Variants in FAT3 observed in about 807,000 individuals in gnomAD.
FAT3 encodes FAT atypical cadherin 3, also known as protocadherin Fat 3.
In FAT3, 95 loss-of-function variants were observed where a neutral mutation model predicts 310.2. The observed-to-expected ratio is 0.31, with a 90% CI of 0.26 to 0.36. The LOEUF (loss-of-function observed/expected upper bound fraction) is 0.36. FAT3 is among the 10% of genes least tolerant of loss of function. FAT3 has a pLI of 1.00. For synonymous variants in FAT3, 2,314 were observed against 2,192.9 expected, an observed-to-expected ratio of 1.06 and a Z score of -1.54; for missense variants, 5,408 against 5,715.6, an observed-to-expected ratio of 0.95 and a Z score of 1.74.
intron 2 of FAT3, among the ~76,000 whole-genome samples, chr11:92,460,231 G>A (rs571929825): frequency 2.2e-4 from 33 of 151,534 alleles, no homozygotes; most frequent in African/African-American, 7.1e-4. Flanking sequence ...TTAAAGAGAA[G>A]GTAGATAATT....
chr11:92,497,308 T>G (rs1177524699), intron 2 of FAT3, among the ~76,000 whole-genome samples: 1 of 152,046 alleles, frequency 6.6e-6, no homozygotes, highest in Non-Finnish European at 1.5e-5. Flanking sequence ...GAGGGTTACT[T>G]CTACAGAGAA....
chr11:92,290,888 G>A (rs1024839791), intron 1 of FAT3, among the ~76,000 whole-genome samples: 2 of 152,048 alleles, frequency 1.3e-5, no homozygotes, highest in African/African-American at 4.8e-5. Context: ...GTAGCACCAA[G>A]TTACTTCTCT....
At chr11:92,599,876 T>A (rs1478809410) in intron 3 of FAT3, among the ~76,000 whole-genome samples, 1 of 152,178 alleles carries the variant, frequency 6.6e-6, no homozygotes, top group Non-Finnish European at 1.5e-5. Context: ...ATACTCCCTA[T>A]GCCTTTTAAA....
intron 1 of FAT3, among the ~76,000 whole-genome samples, chr11:92,344,978 A>G (rs1948372417): frequency 6.6e-6 from 1 of 152,082 alleles, no homozygotes; most frequent in Non-Finnish European, 1.5e-5. Flanking sequence ...GAGCATATTA[A>G]AGGCTCCAGG....
chr11:92,863,829 T>A (rs1317912547), intron 21 of FAT3, among the ~76,000 whole-genome samples: 1 of 152,234 alleles, frequency 6.6e-6, no homozygotes, highest in East Asian at 1.9e-4. Context: ...TTTCTCTCTC[T>A]GGAATAATAT....
At chr11:92,766,060 C>T (rs920034439) in intron 6 of FAT3, among the ~76,000 whole-genome samples, 2 of 151,910 alleles carry the variant, frequency 1.3e-5, no homozygotes, top group African/African-American at 2.4e-5. Flanking sequence ...CCCCGCAAGC[C>T]GAATAGAGGA....
intron 1 of FAT3, among the ~76,000 whole-genome samples, chr11:92,260,417 T>A (rs1274780239): frequency 6.6e-6 from 1 of 152,150 alleles, no homozygotes; most frequent in Non-Finnish European, 1.5e-5. Flanking sequence ...TACTTGGTTA[T>A]AGAAGTGGTA....
chr11:92,417,893 C>T (rs532648178), intron 2 of FAT3, among the ~76,000 whole-genome samples: 47 of 152,310 alleles, frequency 3.1e-4, no homozygotes, highest in African/African-American at 1.1e-3. Flanking sequence ...AACTATTCTC[C>T]TTAAACTTAG....
chr11:92,480,728 T>C (rs1368803145), intron 2 of FAT3, among the ~76,000 whole-genome samples: 1 of 152,186 alleles, frequency 6.6e-6, no homozygotes, highest in South Asian at 2.1e-4. Flanking sequence ...TAAGTGAACA[T>C]CAGTGCTTAG....
intron 3 of FAT3, among the ~76,000 whole-genome samples, chr11:92,682,975 G>T (rs1943526524): frequency 6.6e-6 from 1 of 151,878 alleles, no homozygotes; most frequent in Admixed American, 6.6e-5. Context: ...CTACTTGGGA[G>T]GCCAAGGCAG....
intron 2 of FAT3, among the ~76,000 whole-genome samples, chr11:92,513,882 G>C (rs545311540): frequency 3.9e-5 from 6 of 152,078 alleles, no homozygotes; most frequent in African/African-American, 1.4e-4. Context: ...TGATCCATAC[G>C]CTGATAGGTT....
chr11:92,276,618 A>G (rs1442210402), intron 1 of FAT3, among the ~76,000 whole-genome samples: 2 of 152,138 alleles, frequency 1.3e-5, no homozygotes, highest in Admixed American at 1.3e-4. Flanking sequence ...TAGTTGCTGC[A>G]TCTTCGGTCT....
intron 22 of FAT3, 126 bp from the exon 23 acceptor site, chr11:92,880,605 C>A: frequency 9.1e-7 from 1 of 1,093,176 alleles, no homozygotes. Flanking sequence ...TGCTAACCAC[C>A]TTTGGAATTT....
intron 4 of FAT3, among the ~76,000 whole-genome samples, chr11:92,715,178 G>A (rs191352758): frequency 6.6e-6 from 1 of 151,810 alleles, no homozygotes; most frequent in African/African-American, 2.4e-5. Flanking sequence ...GGCCGAGGTA[G>A]GCGGATCATG....
intron 3 of FAT3, among the ~76,000 whole-genome samples, chr11:92,571,614 A>G (rs11020010): frequency 0.35 from 53,143 of 152,124 alleles, 10,161 homozygotes; most frequent in Non-Finnish European, 0.44. Flanking sequence ...AAATTTGGGT[A>G]TGTGATTCCG....
intron 2 of FAT3, among the ~76,000 whole-genome samples, chr11:92,364,171 G>C (rs1176703515): frequency 6.6e-6 from 1 of 152,112 alleles, no homozygotes; most frequent in Non-Finnish European, 1.5e-5. Context: ...CTGGAAACTT[G>C]TGTGGTCTTT....
In FAT3 at chr11:92,657,405, C is replaced by G. The variant is rs370410818; in HGVS notation, c.3608-39979C>G. Among the ~76,000 whole-genome samples, 5 of 152,300 alleles carry G rather than the reference C, an allele frequency of 3.3e-5. No individual in the cohort carries two copies. The East Asian group carries it at 5.8e-4, about 18-fold the overall frequency. On this transcript the variant is annotated intron_variant, in intron 3 of 27. Transcript: ENST00000525166. Reference sequence around the variant, plus strand: ...GTTCAGTCAACAGCATTTGATTATTCTCTGCATTGTGGGCATGTAGACAGG... The same window carrying G: ...GTTCAGTCAACAGCATTTGATTATTGTCTGCATTGTGGGCATGTAGACAGG...
chr11:92,553,443 C>T (rs915836136), intron 3 of FAT3, among the ~76,000 whole-genome samples: 22 of 152,154 alleles, frequency 1.4e-4, no homozygotes, highest in Admixed American at 2.0e-4. Flanking sequence ...GCTGTTTCTT[C>T]CAGAAAGAAG....
At chr11:92,339,165 GCATGTAAGTT>G (rs916634842) in intron 1 of FAT3, among the ~76,000 whole-genome samples, 1 of 152,074 alleles carries the variant, frequency 6.6e-6, no homozygotes. Flanking sequence ...GACATATTAG[GCATGTAAGTT>G]CTGTGTTTTG....
Sources: allele counts gnomAD v4.1 joint callset (sites outside exome capture counted in the v4.1 genomes callset), GRCh38; gene constraint gnomAD v4.1.1; transcripts MANE v1.5; gene names NCBI Gene and HGNC (gene_info 2026-07-23, HGNC 2026-07-21).